The following GUCA1C variants were observed in gnomAD, a reference collection of about 807,000 sequenced individuals.
The protein encoded by GUCA1C is guanylyl cyclase-activating protein 3.
GUCA1C carries 15 observed loss-of-function variants against 16.2 expected under a neutral mutation model. That is an observed-to-expected ratio of 0.93 (90% CI 0.62 to 1.43). The LOEUF is 1.43. GUCA1C is among the 40% of genes most tolerant of loss of function. The pLI, the probability that GUCA1C is intolerant of heterozygous loss-of-function variation, is 0.00. For synonymous variants in GUCA1C, 78 were observed against 85.4 expected, an observed-to-expected ratio of 0.91 and a Z score of 0.48; for missense variants, 275 against 244.8, an observed-to-expected ratio of 1.12 and a Z score of -0.82.
At chr3:108,939,896 A>G (rs1383885332) in intron 1 of GUCA1C, among the ~76,000 whole-genome samples, 1 of 152,172 alleles carries the variant, frequency 6.6e-6, no homozygotes, top group African/African-American at 2.4e-5. Flanking sequence ...AGCCACTGGT[A>G]TTTTTAATAA....
chr3:108,931,862 CTTCTT>C (rs774676707), intron 1 of GUCA1C, among the ~76,000 whole-genome samples: 1 of 111,486 alleles, frequency 9.0e-6, no homozygotes, highest in Non-Finnish European at 1.9e-5. Flanking sequence ...TTTTTTCTTC[CTTCTT>C]TTTTTTTTTT....
At chr3:108,946,961 T>C (rs934035950) in intron 1 of GUCA1C, among the ~76,000 whole-genome samples, 5 of 150,902 alleles carry the variant, frequency 3.3e-5, no homozygotes, top group Non-Finnish European at 1.5e-5. Flanking sequence ...TATTAGATGA[T>C]ATTAGCAATT....
chr3:108,926,807 T>C (rs1413632459), intron 1 of GUCA1C, among the ~76,000 whole-genome samples: 2 of 151,640 alleles, frequency 1.3e-5, no homozygotes, highest in African/African-American at 2.4e-5. Context: ...TTTCATTGTG[T>C]TATTGTTATA....
Position 108,910,812 on chromosome 3 carries a change from G to A in GUCA1C, c.443-2603C>T, listed in dbSNP as rs895103647. Among the ~76,000 whole-genome samples, 3 of 151,644 alleles carry A rather than the reference G, an allele frequency of 2.0e-5. No homozygotes were observed. In the East Asian group the frequency reaches 5.9e-4, roughly 30 times the overall value. ...CTACAGGCGCCCACCACCACACCTG[G>A]CTAATTTTTTGTAATTTTTGGTAGA... On this transcript the variant is annotated intron_variant, in intron 3 of 3. Transcript: ENST00000261047.
chr3:108,924,136 T>G (rs987695573), intron 1 of GUCA1C, among the ~76,000 whole-genome samples: 8 of 152,194 alleles, frequency 5.3e-5, no homozygotes, highest in African/African-American at 1.9e-4. Flanking sequence ...TTGGATTCCC[T>G]TTATTTCTTT....
At position 108,907,952 on chromosome 3, in the gene GUCA1C, T is replaced by A; in HGVS notation, c.*70A>T. The stretch of plus-strand genomic sequence containing the variant: ...AGACCTGAAATCAACAGCATGTACA[T>A]GGGGAAGATTCTATTTCTTCTCTAC... On this transcript the variant is annotated 3_prime_UTR_variant, in exon 4 of 4. Coordinates refer to ENST00000261047, the MANE Select transcript of GUCA1C (RefSeq NM_005459.4). The A allele has an allele frequency of 9.0e-7, 1 of 1,106,128 alleles. No individual in the cohort carries two copies. Among genetic ancestry groups the A allele is most frequent in the South Asian group, 1.5e-5 (1 of 66,666 alleles). 68.5% of individuals were successfully genotyped at this position (1,106,128 alleles called of 1,614,324 possible).
chr3:108,915,536 T>A (rs975723951), intron 3 of GUCA1C, among the ~76,000 whole-genome samples: 1 of 152,090 alleles, frequency 6.6e-6, no homozygotes, highest in Non-Finnish European at 1.5e-5. Flanking sequence ...AGGTACCTCC[T>A]CTGAGCTAAA....
intron 2 of GUCA1C, among the ~76,000 whole-genome samples, chr3:108,920,202 A>G (rs1946555953): frequency 1.3e-5 from 2 of 152,194 alleles, no homozygotes; most frequent in Non-Finnish European, 2.9e-5. Flanking sequence ...TCTTCATCGC[A>G]ATGCTCTGTT....
chr3:108,908,352 TAAACAAAAAA>T (rs1475741294), intron 3 of GUCA1C, 143 bp from the exon 4 acceptor site: 1 of 346,658 alleles, frequency 2.9e-6, no homozygotes, highest in African/African-American at 2.8e-5. Flanking sequence ...GATCTTCATT[TAAACAAAAAA>T]AAAAAAAAAA....
intron 1 of GUCA1C, among the ~76,000 whole-genome samples, chr3:108,944,921 A>G (rs1016333519): frequency 5.3e-5 from 8 of 152,196 alleles, no homozygotes; most frequent in Admixed American, 2.6e-4. Context: ...AAGAGAAAGG[A>G]GACTTGGAGA....
chr3:108,939,426 A>C (rs1464182535), intron 1 of GUCA1C, among the ~76,000 whole-genome samples: 2 of 139,282 alleles, frequency 1.4e-5, no homozygotes, highest in African/African-American at 5.4e-5. Context: ...TCCCGGGTTC[A>C]AGAGATTCTC....
intron 1 of GUCA1C, among the ~76,000 whole-genome samples, chr3:108,929,575 C>T (rs751062351): frequency 6.6e-6 from 1 of 151,994 alleles, no homozygotes. Context: ...AAGTATAAGG[C>T]TTACTGTCAA....
intron 1 of GUCA1C, among the ~76,000 whole-genome samples, chr3:108,925,050 G>T (rs1169619655): frequency 6.6e-6 from 1 of 150,920 alleles, no homozygotes; most frequent in African/African-American, 2.4e-5. Context: ...TTAATGGCCT[G>T]TCAATTTTAT....
intron 1 of GUCA1C, among the ~76,000 whole-genome samples, chr3:108,928,798 T>C (rs1333500506): frequency 6.6e-6 from 1 of 152,236 alleles, no homozygotes; most frequent in Non-Finnish European, 1.5e-5. Flanking sequence ...TTGATTGATG[T>C]AACTATTCTT....
intron 1 of GUCA1C, 90 bp downstream of exon 1, chr3:108,953,469 A>T: frequency 1.2e-6 from 1 of 828,638 alleles, no homozygotes; most frequent in Non-Finnish European, 2.0e-6. Context: ...TACACATTTT[A>T]CTTAAGGCTA....
chr3:108,918,971 T>C (rs1385371328), intron 2 of GUCA1C, among the ~76,000 whole-genome samples: 2 of 152,312 alleles, frequency 1.3e-5, no homozygotes, highest in East Asian at 3.9e-4. Flanking sequence ...TTGTTTTTCC[T>C]GACTCAAAAT....
intron 1 of GUCA1C, among the ~76,000 whole-genome samples, chr3:108,942,783 G>C (rs1946800420): frequency 1.3e-5 from 2 of 152,296 alleles, no homozygotes; most frequent in East Asian, 1.9e-4. Context: ...TTCCCCACTA[G>C]ATTGTAAAGT....
intron 1 of GUCA1C, among the ~76,000 whole-genome samples, chr3:108,941,226 C>T (rs908644261): frequency 6.6e-6 from 1 of 152,214 alleles, no homozygotes; most frequent in Non-Finnish European, 1.5e-5. Flanking sequence ...GGATAAACCT[C>T]TGCCCTGTTT....
intron 1 of GUCA1C, among the ~76,000 whole-genome samples, chr3:108,944,256 G>C (rs976638688): frequency 4.6e-5 from 7 of 152,208 alleles, no homozygotes; most frequent in African/African-American, 1.4e-4. Context: ...TTTCCTGCAG[G>C]GTAAACACAC....
Sources: allele counts gnomAD v4.1 joint callset (sites outside exome capture counted in the v4.1 genomes callset), GRCh38; gene constraint gnomAD v4.1.1; transcripts MANE v1.5; gene names NCBI Gene and HGNC (gene_info 2026-07-23, HGNC 2026-07-21).